RIMBP2: variants seen among roughly 807,000 people sequenced by gnomAD.
RIMBP2 encodes the protein RIMS-binding protein 2.
In RIMBP2, 48 loss-of-function variants were observed where a neutral mutation model predicts 118.6. The observed-to-expected ratio is 0.40, with a 90% CI of 0.32 to 0.51. The LOEUF is 0.51. Among genes scored for constraint, RIMBP2 ranks in the 20% least tolerant of loss-of-function variants. The probability of loss-of-function intolerance (pLI) is 0.41; values close to 1 mark genes in which losing one functional copy is unlikely to be tolerated. For missense variants in RIMBP2, 1,551 were observed against 1,768.3 expected, an observed-to-expected ratio of 0.88 and a Z score of 2.20; for synonymous variants, 762 against 742.9, an observed-to-expected ratio of 1.03 and a Z score of -0.42.
rs551762883 is a variant in RIMBP2 at position 130,628,381 on chromosome 12, G to A, written c.-276C>T. The A allele has an allele frequency of 6.7e-4, 102 of 152,292 alleles. No individual in the cohort carries two copies. The highest frequency in any genetic ancestry group is 2.3e-3 in the African/African-American group (95 of 41,558). 9.4% of individuals were successfully genotyped at this position (152,292 alleles called of 1,614,324 possible). On this transcript the variant is annotated 5_prime_UTR_variant, in exon 2 of 23. Coordinates refer to ENST00000690449, the MANE Select transcript of RIMBP2 (RefSeq NM_001393629.1). ...AGAGGAAGTGGGAAATTTCCCCAGCGGTCTCCCAAAGCTTGGGTCTGATCG... is the reference window on the plus strand; with the variant it reads ...AGAGGAAGTGGGAAATTTCCCCAGCAGTCTCCCAAAGCTTGGGTCTGATCG...
intron 4 of RIMBP2, among the ~76,000 whole-genome samples, chr12:130,479,964 T>C (rs1047282332): frequency 1.3e-5 from 2 of 151,316 alleles, no homozygotes; most frequent in African/African-American, 4.9e-5. Context: ...ACCCTGACAG[T>C]GAGGACCAGG....
Position 130,456,485 on chromosome 12 carries a change from C to G in RIMBP2, c.358+11G>C. On this transcript the variant is annotated intron_variant, in intron 7 of 22. Transcript: ENST00000690449. ...CCCACCACAGCCAAGGCGGAAGGTCCAGGCGCTTACCTTTGCCGAGGGAGG... is the reference window on the plus strand; with the variant it reads ...CCCACCACAGCCAAGGCGGAAGGTCGAGGCGCTTACCTTTGCCGAGGGAGG... The G allele has an allele frequency of 6.4e-7, 1 of 1,568,436 alleles. No individual in the cohort carries two copies. The highest frequency in any genetic ancestry group is 8.7e-7 in the Non-Finnish European group (1 of 1,152,084).
intron 7 of RIMBP2, among the ~76,000 whole-genome samples, chr12:130,452,348 CTGGAG>C (rs1165555681): frequency 6.6e-6 from 1 of 152,194 alleles, no homozygotes; most frequent in Non-Finnish European, 1.5e-5. Context: ...CAACTCCAGG[CTGGAG>C]TGAACAGCAG....
intron 4 of RIMBP2, among the ~76,000 whole-genome samples, chr12:130,500,873 A>G (rs1167159879): frequency 1.3e-5 from 2 of 149,828 alleles, no homozygotes; most frequent in East Asian, 3.9e-4. Flanking sequence ...TTCATGCTTT[A>G]ACCCAAGTGA....
At chr12:130,563,912 C>G (rs563374150) in intron 2 of RIMBP2, among the ~76,000 whole-genome samples, 1 of 152,160 alleles carries the variant, frequency 6.6e-6, no homozygotes, top group Non-Finnish European at 1.5e-5. Flanking sequence ...AACCTTCCTA[C>G]ACCTGCTGGG....
intron 2 of RIMBP2, among the ~76,000 whole-genome samples, chr12:130,538,446 T>G (rs528615712): frequency 3.9e-5 from 6 of 152,136 alleles, no homozygotes; most frequent in African/African-American, 9.6e-5. Context: ...TGAGATGATT[T>G]AAGAAAGATC....
intron 1 of RIMBP2, among the ~76,000 whole-genome samples, chr12:130,686,144 G>T (rs2065031353): frequency 6.6e-6 from 1 of 152,168 alleles, no homozygotes; most frequent in Non-Finnish European, 1.5e-5. Flanking sequence ...CCTGGAGACT[G>T]GCAGTCACGG....
rs1178604287 is a variant in RIMBP2 at position 130,436,875 on chromosome 12, C to T, written c.2073G>A (p.Arg691=). ...VSTTVAKAMA[R]EAAQRVAESS... is the part of the protein sequence containing the mutation. ...TCTCGGCCACCCTCTGCGCGGCCTC[C>T]CGGGCCATGGCCTTGGCGACGGTGG... The change falls in exon 13 of 23, where the codon CGG becomes CGA. Residue 691 remains arginine (R), a synonymous_variant. Transcript: ENST00000690449. The T allele has an allele frequency of 1.2e-5, 19 of 1,557,050 alleles. No individual in the cohort carries two copies. In the East Asian group the frequency reaches 3.9e-4, roughly 32 times the overall value.
chr12:130,454,651 C>T (rs1212282945), intron 7 of RIMBP2, among the ~76,000 whole-genome samples: 3 of 152,280 alleles, frequency 2.0e-5, no homozygotes, highest in Non-Finnish European at 4.4e-5. Context: ...TTCTTCTCTG[C>T]CAGGCGGCCC....
chr12:130,580,862 C>T (rs1244039462), intron 2 of RIMBP2, among the ~76,000 whole-genome samples: 1 of 152,026 alleles, frequency 6.6e-6, no homozygotes, highest in Non-Finnish European at 1.5e-5. Context: ...ATCGCTTGAA[C>T]CCTGGGGGCG....
chr12:130,446,025 C>T lies in RIMBP2; in HGVS notation c.582-756G>A, dbSNP rs936008109. Among the ~76,000 whole-genome samples, 3 of 149,772 alleles carry T rather than the reference C, an allele frequency of 2.0e-5. No homozygotes were observed. Among genetic ancestry groups the T allele is most frequent in the Non-Finnish European group, 4.5e-5 (3 of 66,956 alleles). On this transcript the variant is annotated intron_variant, in intron 9 of 22. Transcript: ENST00000690449. The surrounding 1 kb of genome is among the most constrained non-coding windows in gnomAD (Gnocchi z 4.1). ...CAGACGCATGATTTTATGCTCCCCC[C>T]CCCCACACCCCCAGGAATATAAGAG...
intron 2 of RIMBP2, among the ~76,000 whole-genome samples, chr12:130,537,691 G>A (rs1299675685): frequency 2.0e-5 from 3 of 152,102 alleles, no homozygotes; most frequent in Admixed American, 6.5e-5. Context: ...GTACATATAC[G>A]GTACATCTCA....
At chr12:130,635,885 G>A (rs555746463) in intron 1 of RIMBP2, among the ~76,000 whole-genome samples, 1 of 151,932 alleles carries the variant, frequency 6.6e-6, no homozygotes, top group South Asian at 2.1e-4. Flanking sequence ...CTCCTACTGG[G>A]GCCCCCTACA....
chr12:130,607,957 G>A lies in RIMBP2; in HGVS notation c.-217+20365C>T, dbSNP rs74389342. Among the ~76,000 whole-genome samples, 86 of 152,200 alleles carry A rather than the reference G, an allele frequency of 5.7e-4. No homozygotes were observed. In the East Asian group the frequency reaches 0.016, roughly 29 times the overall value. Reference sequence around the variant, plus strand: ...TTGGAGGGCCAGGCGCAGAAGGTAGGGGTTCCCCTGCAAAAGGACCTGCCA... The same window carrying A: ...TTGGAGGGCCAGGCGCAGAAGGTAGAGGTTCCCCTGCAAAAGGACCTGCCA... On this transcript the variant is annotated intron_variant, in intron 2 of 22. Coordinates refer to ENST00000690449, the MANE Select transcript of RIMBP2 (RefSeq NM_001393629.1).
At chr12:130,508,339 A>G (rs532161428) in intron 3 of RIMBP2, among the ~76,000 whole-genome samples, 3 of 151,792 alleles carry the variant, frequency 2.0e-5, no homozygotes, top group Admixed American at 2.0e-4. Flanking sequence ...AAATTAGAAT[A>G]AAATCCAAAC....
rs1593187785 is a variant in RIMBP2, at chr12:130,407,748, C to A, written c.3671G>T (p.Ser1224Ile). 1 of 1,614,094 alleles carries A rather than the reference C, an allele frequency of 6.2e-7. No homozygotes were observed. The highest frequency in any genetic ancestry group is 1.1e-5 in the South Asian group (1 of 91,078). The change falls in exon 20 of 23, where the codon AGC becomes ATC. Residue 1224 changes from serine to isoleucine, a missense_variant. Ser to Ile is a moderately radical substitution (Grantham distance 142, BLOSUM62 -2). This residue lies in a region of RIMBP2 where 1,038 missense variants were observed against 1,125.1 expected (regional missense o/e 0.92). Coordinates refer to ENST00000690449, the MANE Select transcript of RIMBP2 (RefSeq NM_001393629.1). ...TACCTCGACATCGACGTTGGGCGAG[C>A]TTTCTCTGGGGTCGTAGTCATACAG... ...VALYDYDPRE[S>I]SPNVDVEAEL...
rs2058447320 is a variant in RIMBP2, at chr12:130,581,022, C to T, written c.-217+47300G>A. ...CTCCTATCTTGGCTCCAGCTTTTTT[C>T]AGTGCCACCCACACACTGTGCACTG... On this transcript the variant is annotated intron_variant, in intron 2 of 22. Transcript: ENST00000690449. This position sits in a 1 kb window ranked among gnomAD's most constrained non-coding sequence, Gnocchi z 4.4. Among the ~76,000 whole-genome samples, 1 of 152,008 alleles carries T rather than the reference C, an allele frequency of 6.6e-6. No individual in the cohort carries two copies. The highest frequency in any genetic ancestry group is 1.5e-5 in the Non-Finnish European group (1 of 67,984).
At position 130,469,729 on chromosome 12, in the gene RIMBP2, C is replaced by T. The variant is rs2080835368; in HGVS notation, c.153+964G>A. On this transcript the variant is annotated intron_variant, in intron 6 of 22. Transcript: ENST00000690449. The surrounding 1 kb of genome is among the most constrained non-coding windows in gnomAD (Gnocchi z 4.8). Reference sequence around the variant, plus strand: ...CATAGCCCGTTTTAAGTGGCTGCTGCTCCCCCAGGGACACAGGACAAGGTC... The same window carrying T: ...CATAGCCCGTTTTAAGTGGCTGCTGTTCCCCCAGGGACACAGGACAAGGTC... 6.6e-6 allele frequency among the ~76,000 whole-genome samples: 1 copy of T among 152,232 alleles called. No homozygotes were observed. Among genetic ancestry groups the T allele is most frequent in the Admixed American group, 6.5e-5 (1 of 15,292 alleles).
At chr12:130,604,540 A>G (rs2060058159) in intron 2 of RIMBP2, among the ~76,000 whole-genome samples, 2 of 145,236 alleles carry the variant, frequency 1.4e-5, no homozygotes, top group Non-Finnish European at 3.0e-5. Flanking sequence ...CCGGGCCTGC[A>G]AGCTCCATTC....
Sources: allele counts gnomAD v4.1 joint callset (sites outside exome capture counted in the v4.1 genomes callset), GRCh38; gene constraint gnomAD v4.1.1; regional missense constraint gnomAD v4.1.1; non-coding constraint Gnocchi (gnomAD v3.1); transcripts MANE v1.5; gene names NCBI Gene and HGNC (gene_info 2026-07-23, HGNC 2026-07-21).